STXBP5L: variants seen among roughly 807,000 people sequenced by gnomAD.
The protein encoded by STXBP5L is syntaxin binding protein 5L.
STXBP5L carries 65 observed loss-of-function variants against 144.5 expected under a neutral mutation model. That is an observed-to-expected ratio of 0.45 (90% CI 0.37 to 0.55). The LOEUF (loss-of-function observed/expected upper bound fraction) is 0.55. Among genes scored for constraint, STXBP5L ranks in the 20% least tolerant of loss-of-function variants. The probability of loss-of-function intolerance (pLI) is 0.00; values close to 1 mark genes in which losing one functional copy is unlikely to be tolerated. For synonymous variants in STXBP5L, 505 were observed against 469.6 expected (o/e 1.08, Z -0.97); for missense variants, 1,298 against 1,405.5 (o/e 0.92, Z 1.22).
intron 20 of STXBP5L, among the ~76,000 whole-genome samples, chr3:121,343,377 A>G (rs2044810343): frequency 6.6e-6 from 1 of 152,078 alleles, no homozygotes; most frequent in Non-Finnish European, 1.5e-5. Context: ...TATTCAACAT[A>G]GTGTTGGAAG....
intron 7 of STXBP5L, among the ~76,000 whole-genome samples, chr3:121,145,911 C>A (rs1051746352): frequency 1.3e-5 from 2 of 151,998 alleles, no homozygotes; most frequent in Admixed American, 1.3e-4. Context: ...TGTGAGTAGA[C>A]ATTATCCAGT....
In STXBP5L at chr3:121,088,954, AG is replaced by A. The variant is rs1576910751; in HGVS notation, c.471-25965del. 4.0e-5 allele frequency among the ~76,000 whole-genome samples: 3 copies of A among 74,742 alleles called. No homozygotes were observed. The East Asian group carries it at 1.4e-3, about 34-fold the overall frequency. 49.0% of individuals were successfully genotyped at this position (74,742 alleles called of 152,430 possible). A position where few individuals can be genotyped will look rare whatever the true frequency, so the allele number is the denominator to read the frequency against. ...CTGGGGACTGTGGTGGGGTCGGGGG[AG>A]GGGGGAGGGATAGCATTGGGAGATA... is the stretch of plus-strand genomic sequence containing the variant. On this transcript the variant is annotated intron_variant, in intron 5 of 26. Transcript: ENST00000471454.
chr3:121,118,328 G>C (rs1205592032), intron 6 of STXBP5L, among the ~76,000 whole-genome samples: 1 of 151,694 alleles, frequency 6.6e-6, no homozygotes. Context: ...GAGATCCAAG[G>C]GGTGAGTTTC....
intron 9 of STXBP5L, among the ~76,000 whole-genome samples, chr3:121,163,658 A>G (rs2046400590): frequency 6.6e-6 from 1 of 152,196 alleles, no homozygotes; most frequent in Non-Finnish European, 1.5e-5. Flanking sequence ...GCAAAGATAA[A>G]CACAGTATGA....
intron 20 of STXBP5L, among the ~76,000 whole-genome samples, chr3:121,345,673 G>C (rs1203932016): frequency 6.6e-6 from 1 of 152,008 alleles, no homozygotes; most frequent in African/African-American, 2.4e-5. Flanking sequence ...AGCATCTGTT[G>C]TTTCCTGACT....
At chr3:121,346,737 G>C (rs961285630) in intron 20 of STXBP5L, among the ~76,000 whole-genome samples, 2 of 152,172 alleles carry the variant, frequency 1.3e-5, no homozygotes, top group Non-Finnish European at 2.9e-5. Context: ...TCTTTTGTCT[G>C]CATAAATGTC....
At chr3:121,100,502 A>G (rs1050263436) in intron 5 of STXBP5L, among the ~76,000 whole-genome samples, 3 of 152,192 alleles carry the variant, frequency 2.0e-5, no homozygotes, top group African/African-American at 7.2e-5. Flanking sequence ...ACTTTTGGTA[A>G]ACAATGAAAT....
At position 121,324,663 on chromosome 3, in the gene STXBP5L, C is replaced by A. The variant is rs964533214; in HGVS notation, c.2176+6123C>A. ...ATTTTCTAGGCTTCACAACTTGTCT[C>A]AAAACTTTATTCTCATTTGTTGTGG... On this transcript the variant is annotated intron_variant, in intron 20 of 26. Transcript: ENST00000471454. 8.3e-6 allele frequency: 5 copies of A among 598,984 alleles called. No individual in the cohort carries two copies. In the African/African-American group the frequency reaches 9.4e-5, roughly 11 times the overall value. 37.1% of individuals were successfully genotyped at this position (598,984 alleles called of 1,614,324 possible). A position where few individuals can be genotyped will look rare whatever the true frequency, so the allele number is the denominator to read the frequency against.
At position 121,005,463 on chromosome 3, in the gene STXBP5L, T is replaced by C. The variant is rs551719824; in HGVS notation, c.288-36237T>C. ...CTCTTTTCTTCTTTATTAGTCATGC[T>C]AGCGGTCTATCAATTTTGTTGATCT... On this transcript the variant is annotated intron_variant, in intron 3 of 26. Coordinates refer to ENST00000471454, the MANE Select transcript of STXBP5L (RefSeq NM_001308330.2). Among the ~76,000 whole-genome samples the C allele has an allele frequency of 5.9e-5, 9 of 152,354 alleles. 1 individual carries two copies. In the South Asian group the frequency reaches 1.9e-3, roughly 32 times the overall value.
At chr3:121,037,102 A>T (rs905612139) in intron 3 of STXBP5L, among the ~76,000 whole-genome samples, 1 of 151,636 alleles carries the variant, frequency 6.6e-6, no homozygotes, top group Non-Finnish European at 1.5e-5. Flanking sequence ...AATTTTTCAA[A>T]AATCTTATCT....
chr3:121,112,696 T>G (rs2044046241), intron 5 of STXBP5L, among the ~76,000 whole-genome samples: 3 of 152,156 alleles, frequency 2.0e-5, no homozygotes, highest in Admixed American at 2.0e-4. Context: ...AAGCTAAGGA[T>G]ATCTTCGATT....
chr3:121,020,469 C>T (rs374396786), intron 3 of STXBP5L, among the ~76,000 whole-genome samples: 37 of 152,080 alleles, frequency 2.4e-4, no homozygotes, highest in African/African-American at 8.9e-4. Flanking sequence ...TATCGGTTAT[C>T]TAAAATCATG....
chr3:121,169,215 G>A (rs747436225), intron 9 of STXBP5L, among the ~76,000 whole-genome samples: 1 of 152,120 alleles, frequency 6.6e-6, no homozygotes, highest in Non-Finnish European at 1.5e-5. Flanking sequence ...GGAACAATCA[G>A]TACCAGCCAC....
chr3:121,368,549 T>A (rs1437273330), intron 20 of STXBP5L, among the ~76,000 whole-genome samples: 1 of 151,858 alleles, frequency 6.6e-6, no homozygotes, highest in Non-Finnish European at 1.5e-5. Flanking sequence ...TACATTATGA[T>A]TTTTTTTGTT....
At chr3:121,334,377 T>C (rs2044428576) in intron 20 of STXBP5L, among the ~76,000 whole-genome samples, 1 of 152,078 alleles carries the variant, frequency 6.6e-6, no homozygotes, top group Admixed American at 6.6e-5. Context: ...AGGAGGGATT[T>C]CTCTCCAACT....
At chr3:121,372,584 T>A (rs941031041) in intron 20 of STXBP5L, among the ~76,000 whole-genome samples, 1 of 152,286 alleles carries the variant, frequency 6.6e-6, no homozygotes, top group South Asian at 2.1e-4. Flanking sequence ...GCAGGAGTCA[T>A]TGGGGTCAGG....
intron 9 of STXBP5L, among the ~76,000 whole-genome samples, chr3:121,201,602 A>G (rs976233562): frequency 6.6e-6 from 1 of 150,766 alleles, no homozygotes; most frequent in African/African-American, 2.4e-5. Context: ...GTTTCTTCAC[A>G]GTGTCATTGG....
intron 10 of STXBP5L, among the ~76,000 whole-genome samples, chr3:121,215,867 A>T (rs1261476485): frequency 5.3e-5 from 8 of 152,142 alleles, no homozygotes; most frequent in Non-Finnish European, 1.2e-4. Flanking sequence ...GTCTTTTCAC[A>T]TAGTTACATA....
intron 23 of STXBP5L, 119 bp from the exon 24 acceptor site, chr3:121,413,039 A>T: frequency 1.1e-6 from 1 of 880,272 alleles, no homozygotes; most frequent in Non-Finnish European, 1.6e-6. Context: ...AAAAAATATA[A>T]AAATAAAAAA....
Sources: allele counts gnomAD v4.1 joint callset (sites outside exome capture counted in the v4.1 genomes callset), GRCh38; gene constraint gnomAD v4.1.1; transcripts MANE v1.5; gene names NCBI Gene and HGNC (gene_info 2026-07-23, HGNC 2026-07-21).